The following STPG2 variants were observed in gnomAD, a reference collection of about 807,000 sequenced individuals.
STPG2 encodes sperm tail PG-rich repeat containing 2.
A neutral mutation model predicts 54.2 loss-of-function variants in STPG2; 56 were observed. The observed-to-expected ratio is 1.03, with a 90% confidence interval of 0.83 to 1.29. The LOEUF (loss-of-function observed/expected upper bound fraction) is 1.29. Ranked by LOEUF, STPG2 falls within the 50% of genes most tolerant of loss-of-function variation. STPG2 has a pLI of 0.00. For missense variants in STPG2, 596 were observed against 544.9 expected, an observed-to-expected ratio of 1.09 and a Z score of -0.93; for synonymous variants, 200 against 181.8, an observed-to-expected ratio of 1.10 and a Z score of -0.81.
chr4:97,818,206 G>T (rs562569542), intron 9 of STPG2, among the ~76,000 whole-genome samples: 77 of 151,984 alleles, frequency 5.1e-4, no homozygotes, highest in South Asian at 1.0e-3. Flanking sequence ...TATCTATATA[G>T]AGAGATATAA....
intron 5 of STPG2, among the ~76,000 whole-genome samples, chr4:98,062,830 A>C (rs1329393031): frequency 1.3e-5 from 2 of 152,102 alleles, no homozygotes; most frequent in African/African-American, 4.8e-5. Flanking sequence ...ATATTAATTA[A>C]ATTAAGTATA....
At chr4:97,576,067 T>G (rs1200571350) in intron 10 of STPG2, among the ~76,000 whole-genome samples, 2 of 151,816 alleles carry the variant, frequency 1.3e-5, no homozygotes, top group Non-Finnish European at 2.9e-5. Flanking sequence ...AGGTGAAAGA[T>G]CTCTATAAGG....
intron 8 of STPG2, among the ~76,000 whole-genome samples, chr4:97,918,959 T>C (rs1560589449): frequency 6.6e-6 from 1 of 152,110 alleles, no homozygotes; most frequent in Non-Finnish European, 1.5e-5. Flanking sequence ...CCAAAAACTA[T>C]TGAAATAATT....
intron 10 of STPG2, among the ~76,000 whole-genome samples, chr4:97,624,622 T>G (rs2148927259): frequency 6.6e-6 from 1 of 152,322 alleles, no homozygotes. Flanking sequence ...CTCTTTAGTT[T>G]AATTATATCC....
chr4:97,752,216 A>C (rs888270320), intron 9 of STPG2, among the ~76,000 whole-genome samples: 3 of 151,720 alleles, frequency 2.0e-5, no homozygotes, highest in Non-Finnish European at 3.0e-5. Context: ...TTTAGTGTAC[A>C]GTTTCCTTCA....
intron 9 of STPG2, among the ~76,000 whole-genome samples, chr4:97,737,361 G>A (rs1211539389): frequency 6.6e-6 from 1 of 152,196 alleles, no homozygotes; most frequent in African/African-American, 2.4e-5. Flanking sequence ...GCTGGACGGA[G>A]AATGACTTTG....
chr4:97,891,640 T>C (rs987799260), intron 8 of STPG2, among the ~76,000 whole-genome samples: 6 of 152,120 alleles, frequency 3.9e-5, no homozygotes, highest in Non-Finnish European at 8.8e-5. Context: ...CAAAAATATA[T>C]CTTGCTCTTA....
At chr4:97,443,183 T>C (rs1420501122) in intron 4 of STPG2, among the ~76,000 whole-genome samples, 3 of 152,168 alleles carry the variant, frequency 2.0e-5, no homozygotes. Flanking sequence ...GAGCCTTACA[T>C]TTCCCTCGAG....
intron 9 of STPG2, among the ~76,000 whole-genome samples, chr4:97,728,000 A>T (rs1724677050): frequency 6.6e-6 from 1 of 151,942 alleles, no homozygotes; most frequent in South Asian, 2.1e-4. Context: ...GATATTATGG[A>T]ACTGTGCTCT....
chr4:97,635,526 A>G (rs926300622), intron 10 of STPG2, among the ~76,000 whole-genome samples: 6 of 152,236 alleles, frequency 3.9e-5, no homozygotes, highest in Admixed American at 2.0e-4. Context: ...AAATGCTCCA[A>G]TTAAAAGACA....
intron 8 of STPG2, among the ~76,000 whole-genome samples, chr4:97,943,307 T>C (rs1369789466): frequency 6.6e-6 from 1 of 152,152 alleles, no homozygotes; most frequent in Non-Finnish European, 1.5e-5. Flanking sequence ...CTAGCAACAT[T>C]ATCACTGGGT....
At position 97,972,435 on chromosome 4, in the gene STPG2, C is replaced by T; in HGVS notation, c.778G>A (p.Gly260Arg). The change falls in exon 7 of 11, where the codon GGA (glycine) becomes AGA (arginine). Residue 260 changes from glycine to arginine, a missense_variant. By Grantham distance (125) the Gly-to-Arg change is moderately radical. Transcript: ENST00000295268. ...GTATTGTTCAAGACATTATAAAATC[C>T]AGGACCTAAAATTATTAGAAGTATC... The part of the protein sequence containing the change: ...DIRTEEMPGP[G>R]FYNVLNNTII... 6.6e-7 allele frequency: 1 copy of T among 1,506,644 alleles called. No individual in the cohort carries two copies. Among genetic ancestry groups the T allele is most frequent in the Non-Finnish European group, 8.9e-7 (1 of 1,119,910 alleles). 93.3% of individuals were successfully genotyped at this position (1,506,644 alleles called of 1,614,324 possible). A position where few individuals can be genotyped will look rare whatever the true frequency, so the allele number is the denominator to read the frequency against.
chr4:97,564,564 A>G (rs149120492), intron 10 of STPG2, among the ~76,000 whole-genome samples: 6,840 of 152,146 alleles, frequency 0.045, 407 homozygotes, highest in African/African-American at 0.14. Context: ...TTTTGCAGTG[A>G]CTGGTACTGG....
At chr4:98,080,207 T>A (rs961286561) in intron 5 of STPG2, among the ~76,000 whole-genome samples, 3 of 152,194 alleles carry the variant, frequency 2.0e-5, no homozygotes, top group African/African-American at 7.2e-5. Flanking sequence ...TAATTTTCAA[T>A]TAAGTTTAAA....
At chr4:98,111,698 G>C (rs1739351772) in intron 3 of STPG2, among the ~76,000 whole-genome samples, 1 of 148,466 alleles carries the variant, frequency 6.7e-6, no homozygotes, top group Admixed American at 6.7e-5. Context: ...AGCTGATAAA[G>C]TGTTATTTCT....
At chr4:97,905,384 T>C (rs1237940163) in intron 8 of STPG2, among the ~76,000 whole-genome samples, 2 of 151,926 alleles carry the variant, frequency 1.3e-5, no homozygotes, top group Admixed American at 1.3e-4. Flanking sequence ...AGAAATAAAA[T>C]ACTTTACAGA....
chr4:97,816,776 T>A (rs112253307), intron 9 of STPG2, among the ~76,000 whole-genome samples: 2,769 of 151,448 alleles, frequency 0.018, 75 homozygotes, highest in African/African-American at 0.063. Context: ...TCTTTTCTTT[T>A]TCTTTCACTC....
chr4:97,854,736 T>A (rs1251759298), intron 8 of STPG2, among the ~76,000 whole-genome samples: 1 of 152,100 alleles, frequency 6.6e-6, no homozygotes, highest in Non-Finnish European at 1.5e-5. Context: ...TTATTAGATT[T>A]TTTTTCTTTT....
intron 9 of STPG2, among the ~76,000 whole-genome samples, chr4:97,822,700 G>T (rs754873901): frequency 2.3e-4 from 35 of 152,154 alleles, no homozygotes; most frequent in Admixed American, 6.6e-4. Flanking sequence ...AGCACATTAT[G>T]TGGCAAATAC....
Sources: gnomAD v4.1 joint callset for allele counts (sites outside exome capture counted in the v4.1 genomes callset) on GRCh38, gnomAD v4.1.1 for gene constraint, MANE v1.5 for transcripts, NCBI Gene and HGNC (gene_info 2026-07-23, HGNC 2026-07-21) for gene names.